Variants in SGCZ observed in about 807,000 individuals in gnomAD.
SGCZ encodes sarcoglycan zeta, also known as zeta-sarcoglycan.
A neutral mutation model predicts 41.3 loss-of-function variants in SGCZ; 40 were observed. The observed-to-expected ratio is 0.97, with a 90% CI of 0.75 to 1.26. The LOEUF (loss-of-function observed/expected upper bound fraction) is 1.26. Among genes scored for constraint, SGCZ ranks in the 50% most tolerant of loss-of-function variants. The pLI, the probability that SGCZ is intolerant of heterozygous loss-of-function variation, is 0.00. For missense variants in SGCZ, 552 were observed against 369.8 expected (o/e 1.49, Z -4.04); for synonymous variants, 206 against 137.5 (o/e 1.50, Z -3.49).
chr8:15,067,302 C>A (rs2131021866), intron 1 of SGCZ, among the ~76,000 whole-genome samples: 1 of 152,280 alleles, frequency 6.6e-6, no homozygotes, highest in South Asian at 2.1e-4. Flanking sequence ...AATATGCATA[C>A]AGAATTTTTT....
chr8:15,061,144 A>C (rs1470906785), intron 1 of SGCZ, among the ~76,000 whole-genome samples: 1 of 141,974 alleles, frequency 7.0e-6, no homozygotes, highest in East Asian at 1.9e-4. Flanking sequence ...TATCCCCCCA[A>C]ACTCATGTGT....
At chr8:14,427,174 T>C (rs998807696) in intron 2 of SGCZ, among the ~76,000 whole-genome samples, 9 of 152,104 alleles carry the variant, frequency 5.9e-5, no homozygotes, top group African/African-American at 2.2e-4. Context: ...TAAATTCTCT[T>C]TGCCAAAGGA....
chr8:14,137,830 C>T (rs531846081), intron 5 of SGCZ, among the ~76,000 whole-genome samples: 8 of 152,160 alleles, frequency 5.3e-5, no homozygotes, highest in South Asian at 2.1e-4. Flanking sequence ...ATACAGAGAA[C>T]GCCACAAAGA....
At chr8:14,816,024 C>G (rs1288602835) in intron 1 of SGCZ, among the ~76,000 whole-genome samples, 8 of 152,080 alleles carry the variant, frequency 5.3e-5, no homozygotes, top group Admixed American at 4.6e-4. Context: ...TAAAATGAGG[C>G]CAGTGAAATT....
intron 2 of SGCZ, among the ~76,000 whole-genome samples, chr8:14,485,625 C>G (rs13254391): frequency 3.3e-5 from 5 of 152,060 alleles, no homozygotes; most frequent in African/African-American, 1.2e-4. Flanking sequence ...TCGGTTTCCT[C>G]TCATAGTACA....
At chr8:14,179,406 A>G (rs914912000) in intron 4 of SGCZ, among the ~76,000 whole-genome samples, 2 of 152,194 alleles carry the variant, frequency 1.3e-5, no homozygotes, top group Non-Finnish European at 2.9e-5. Context: ...TCACAAGACC[A>G]GTTCGCCTTT....
chr8:15,039,829 A>T (rs1804016247), intron 1 of SGCZ, among the ~76,000 whole-genome samples: 1 of 152,196 alleles, frequency 6.6e-6, no homozygotes, highest in Non-Finnish European at 1.5e-5. Context: ...TTACATACGT[A>T]TGTGTATTGC....
chr8:14,329,083 C>T (rs1802225261), intron 2 of SGCZ, among the ~76,000 whole-genome samples: 2 of 152,010 alleles, frequency 1.3e-5, no homozygotes, highest in Admixed American at 1.3e-4. Flanking sequence ...TTCTAAATTA[C>T]CTAGTCTCCA....
chr8:15,146,142 GAA>G (rs78225419), intron 1 of SGCZ, among the ~76,000 whole-genome samples: 1 of 151,072 alleles, frequency 6.6e-6, no homozygotes, highest in Non-Finnish European at 1.5e-5. Flanking sequence ...AGAAAACTAA[GAA>G]AAAAATTGAA....
intron 1 of SGCZ, among the ~76,000 whole-genome samples, chr8:15,230,381 T>C (rs1222044272): frequency 6.6e-6 from 1 of 152,140 alleles, no homozygotes; most frequent in African/African-American, 2.4e-5. Context: ...GATTTGGAAA[T>C]AGAGGACATG....
rs144623228 is a variant in SGCZ, at chr8:15,101,775, T to A, written c.39+135810A>T. Among the ~76,000 whole-genome samples the A allele has an allele frequency of 9.7e-3, 1,474 of 152,032 alleles. 11 individuals carry two copies. The highest frequency in any genetic ancestry group is 0.024 in the Middle Eastern group (7 of 294). ...TGGAATCCCATCTCTACTAAAAATA[T>A]AAAAATTAGCTGGGCATGGTCGTGC... On this transcript the variant is annotated intron_variant, in intron 1 of 7. Coordinates refer to ENST00000382080, the MANE Select transcript of SGCZ (RefSeq NM_139167.4).
In SGCZ at chr8:14,087,892, G is replaced by A. The variant is rs1219875768; in HGVS notation, c.*2551C>T. 6.6e-6 allele frequency among the ~76,000 whole-genome samples: 1 copy of A among 151,620 alleles called. No individual in the cohort carries two copies. The highest frequency in any genetic ancestry group is 1.5e-5 in the Non-Finnish European group (1 of 67,756). On this transcript the variant is annotated 3_prime_UTR_variant, in exon 8 of 8. Transcript: ENST00000382080. The stretch of plus-strand genomic sequence containing the variant: ...CAATTATTTGGTGTTGAATAGGAAA[G>A]CCATCGCTATCACTATATTTTCTAC...
chr8:15,148,978 T>C (rs1347898550), intron 1 of SGCZ, among the ~76,000 whole-genome samples: 1 of 152,104 alleles, frequency 6.6e-6, no homozygotes, highest in African/African-American at 2.4e-5. Context: ...GTATCACAGA[T>C]ATACTGCTGT....
intron 1 of SGCZ, among the ~76,000 whole-genome samples, chr8:14,569,660 A>G (rs1425505816): frequency 7.2e-5 from 11 of 152,230 alleles, no homozygotes; most frequent in Admixed American, 2.0e-4. Context: ...TGAGATGTTA[A>G]GAGGAGCTCA....
intron 1 of SGCZ, among the ~76,000 whole-genome samples, chr8:14,943,352 G>C (rs1447080967): frequency 1.3e-5 from 2 of 152,164 alleles, no homozygotes; most frequent in Admixed American, 6.5e-5. Context: ...CTCCAAAACT[G>C]TCAAACAGGG....
intron 2 of SGCZ, among the ~76,000 whole-genome samples, chr8:14,429,660 G>A (rs914361983): frequency 2.0e-5 from 3 of 152,148 alleles, no homozygotes; most frequent in Admixed American, 6.6e-5. Context: ...ATTTAGAGTC[G>A]GCTCTAAAAT....
chr8:14,538,861 G>T (rs1803374075), intron 2 of SGCZ, among the ~76,000 whole-genome samples: 1 of 151,830 alleles, frequency 6.6e-6, no homozygotes, highest in Non-Finnish European at 1.5e-5. Context: ...ATTCTAGATG[G>T]TTCCCTCTAA....
At chr8:15,207,043 AG>A (rs1450644810) in intron 1 of SGCZ, among the ~76,000 whole-genome samples, 2 of 152,250 alleles carry the variant, frequency 1.3e-5, no homozygotes, top group African/African-American at 4.8e-5. Flanking sequence ...TACAAGACGA[AG>A]GGATGTGGGG....
At chr8:14,100,056 A>ATGAT (rs748260724) in intron 7 of SGCZ, among the ~76,000 whole-genome samples, 1 of 152,024 alleles carries the variant, frequency 6.6e-6, no homozygotes, top group Non-Finnish European at 1.5e-5. Flanking sequence ...TGTTTAGTAA[A>ATGAT]TGATAAATCT....
Sources: gnomAD v4.1 joint callset for allele counts (sites outside exome capture counted in the v4.1 genomes callset) on GRCh38, gnomAD v4.1.1 for gene constraint, MANE v1.5 for transcripts, NCBI Gene and HGNC (gene_info 2026-07-23, HGNC 2026-07-21) for gene names.